CNTNAP2: variants seen among roughly 807,000 people sequenced by gnomAD.
CNTNAP2 encodes the protein contactin associated protein 2.
Under a neutral mutation model 155.2 loss-of-function variants are expected in CNTNAP2, and 98 were observed. That is an observed-to-expected ratio of 0.63 (90% CI 0.54 to 0.75). The LOEUF is 0.75. Among genes scored for constraint, CNTNAP2 ranks in the 30% least tolerant of loss-of-function variants. CNTNAP2 has a pLI of 0.00. For missense variants in CNTNAP2, 1,727 were observed against 1,688.1 expected, an observed-to-expected ratio of 1.02 and a Z score of -0.40; for synonymous variants, 651 against 631.2, an observed-to-expected ratio of 1.03 and a Z score of -0.47.
At position 148,023,533 on chromosome 7, in the gene CNTNAP2, T is replaced by A. The variant is rs1254669299; in HGVS notation, c.2383+45544T>A. 2.0e-5 allele frequency among the ~76,000 whole-genome samples: 3 copies of A among 152,310 alleles called. No individual in the cohort carries two copies. In the East Asian group the frequency reaches 5.8e-4, roughly 29 times the overall value. On this transcript the variant is annotated intron_variant, in intron 15 of 23. Coordinates refer to ENST00000361727, the MANE Select transcript of CNTNAP2 (RefSeq NM_014141.6). ...ATTGGGAAAGAAATGCCAATAGCCCTGTAGGTGACAATGCACCCAGGCTGC... is the reference window on the plus strand; with the variant it reads ...ATTGGGAAAGAAATGCCAATAGCCCAGTAGGTGACAATGCACCCAGGCTGC...
chr7:148,017,185 T>G (rs1443040267), intron 15 of CNTNAP2, among the ~76,000 whole-genome samples: 1 of 152,184 alleles, frequency 6.6e-6, no homozygotes, highest in Non-Finnish European at 1.5e-5. Context: ...CACTGAGACA[T>G]GCAAAAGGGA....
intron 2 of CNTNAP2, among the ~76,000 whole-genome samples, chr7:146,817,810 T>G (rs1803202932): frequency 6.6e-6 from 1 of 152,084 alleles, no homozygotes; most frequent in Non-Finnish European, 1.5e-5. Flanking sequence ...TCACCAGGCT[T>G]CACCTCCAAC....
chr7:148,087,527 C>T (rs1803756644), intron 15 of CNTNAP2, among the ~76,000 whole-genome samples: 2 of 152,148 alleles, frequency 1.3e-5, no homozygotes. Flanking sequence ...TTCATGCTCA[C>T]TTTCTCCCTC....
chr7:148,142,432 G>T lies in CNTNAP2; in HGVS notation c.2555-5059G>T, dbSNP rs185673000. Among the ~76,000 whole-genome samples the T allele has an allele frequency of 2.5e-3, 385 of 152,156 alleles. 4 individuals are homozygous for T. Among genetic ancestry groups the T allele is most frequent in the Non-Finnish European group, 3.2e-4 (22 of 68,016 alleles). On this transcript the variant is annotated intron_variant, in intron 16 of 23. Transcript: ENST00000361727. ...AACAAAAAAAGATATTGATAACACT[G>T]TTCACCATAGAGTGAGGCTGAAATA...
intron 1 of CNTNAP2, among the ~76,000 whole-genome samples, chr7:146,479,363 T>C (rs2129128157): frequency 6.6e-6 from 1 of 152,346 alleles, no homozygotes; most frequent in South Asian, 2.1e-4. Context: ...GTTCTATATA[T>C]TGACATTTCT....
rs543835237 is a variant in CNTNAP2 at position 146,170,095 on chromosome 7, C to T, written c.97+53122C>T. Among the ~76,000 whole-genome samples, 24 of 149,196 alleles carry T rather than the reference C, an allele frequency of 1.6e-4. No homozygotes were observed. In the South Asian group the frequency reaches 2.5e-3, roughly 16 times the overall value. ...AGGCTGGAGTGCAGTGGTGCCATCT[C>T]GGCTCACTGCAACCTCTGCCTCCTG... is the stretch of plus-strand genomic sequence containing the variant. On this transcript the variant is annotated intron_variant, in intron 1 of 23. Coordinates refer to ENST00000361727, the MANE Select transcript of CNTNAP2 (RefSeq NM_014141.6).
intron 1 of CNTNAP2, among the ~76,000 whole-genome samples, chr7:146,474,548 A>G (rs1268110281): frequency 2.6e-5 from 4 of 151,662 alleles, no homozygotes; most frequent in Admixed American, 6.6e-5. Flanking sequence ...CTATGCTGTT[A>G]TATTTCCTGT....
At chr7:146,645,851 C>T (rs1354110189) in intron 1 of CNTNAP2, among the ~76,000 whole-genome samples, 1 of 151,954 alleles carries the variant, frequency 6.6e-6, no homozygotes, top group African/African-American at 2.4e-5. Context: ...TCAAGCTGCA[C>T]TGACTTCCAG....
chr7:147,705,772 C>T (rs1193373455), intron 13 of CNTNAP2, among the ~76,000 whole-genome samples: 8 of 152,136 alleles, frequency 5.3e-5, no homozygotes, highest in African/African-American at 1.2e-4. Flanking sequence ...TTTATATCCA[C>T]TTGCTGAGTT....
chr7:146,565,628 T>C (rs1478355401), intron 1 of CNTNAP2, among the ~76,000 whole-genome samples: 2 of 152,206 alleles, frequency 1.3e-5, no homozygotes, highest in Admixed American at 6.5e-5. Flanking sequence ...AGAAAACCAC[T>C]TGTGTTCTAC....
chr7:146,353,982 G>A (rs777647619), intron 1 of CNTNAP2, among the ~76,000 whole-genome samples: 2 of 151,930 alleles, frequency 1.3e-5, no homozygotes, highest in African/African-American at 2.4e-5. Flanking sequence ...ATTTATTAAC[G>A]TTAGCTAAGT....
intron 1 of CNTNAP2, among the ~76,000 whole-genome samples, chr7:146,447,736 A>G (rs1796422316): frequency 6.6e-6 from 1 of 151,928 alleles, no homozygotes; most frequent in Admixed American, 6.6e-5. Flanking sequence ...AATAGTTTCA[A>G]AGGCCAAGCA....
chr7:148,069,509 T>C (rs1803337957), intron 15 of CNTNAP2, among the ~76,000 whole-genome samples: 1 of 152,078 alleles, frequency 6.6e-6, no homozygotes, highest in South Asian at 2.1e-4. Flanking sequence ...ACACCTGTAA[T>C]TCCAGCACTT....
chr7:148,173,070 G>A (rs768783338), intron 18 of CNTNAP2, among the ~76,000 whole-genome samples: 2 of 152,222 alleles, frequency 1.3e-5, no homozygotes, highest in Non-Finnish European at 2.9e-5. Context: ...TCAGCTTAGA[G>A]CATCTGTTAT....
In CNTNAP2 at chr7:147,273,535, G is replaced by A. The variant is rs867114691; in HGVS notation, c.1349-26606G>A. ...TGACCCACCCCACTTTGGAGTCCCC[G>A]GTATCTATAATTTCCATCTATATGT... On this transcript the variant is annotated intron_variant, in intron 8 of 23. Coordinates refer to ENST00000361727, the MANE Select transcript of CNTNAP2 (RefSeq NM_014141.6). 1.2e-3 allele frequency among the ~76,000 whole-genome samples: 188 copies of A among 151,572 alleles called. 1 individual carries two copies. Among genetic ancestry groups the A allele is most frequent in the African/African-American group, 4.3e-3 (176 of 41,376 alleles).
intron 11 of CNTNAP2, among the ~76,000 whole-genome samples, chr7:147,511,482 A>G (rs539551470): frequency 6.6e-6 from 1 of 151,342 alleles, no homozygotes; most frequent in South Asian, 2.1e-4. Context: ...GCATTTTGCA[A>G]TAAAGCTAGG....
intron 1 of CNTNAP2, among the ~76,000 whole-genome samples, chr7:146,330,839 T>C (rs1428697862): frequency 6.6e-6 from 1 of 152,204 alleles, no homozygotes; most frequent in East Asian, 1.9e-4. Flanking sequence ...AGTAATATAT[T>C]ACATGTCCGG....
chr7:148,307,044 C>T (rs945409776), intron 21 of CNTNAP2, among the ~76,000 whole-genome samples: 5 of 152,090 alleles, frequency 3.3e-5, no homozygotes, highest in Admixed American at 2.6e-4. Flanking sequence ...GAATTTTCTG[C>T]CCTGTTGCCT....
chr7:147,240,280 G>A (rs895140402), intron 8 of CNTNAP2, among the ~76,000 whole-genome samples: 1 of 152,162 alleles, frequency 6.6e-6, no homozygotes, highest in Non-Finnish European at 1.5e-5. Flanking sequence ...AGCTATGATT[G>A]TGCCACCGCA....
Sources: gnomAD v4.1 joint callset for allele counts (sites outside exome capture counted in the v4.1 genomes callset) on GRCh38, gnomAD v4.1.1 for gene constraint, MANE v1.5 for transcripts, NCBI Gene and HGNC (gene_info 2026-07-23, HGNC 2026-07-21) for gene names.